CNTNAP5: variants seen among roughly 807,000 people sequenced by gnomAD.
The protein encoded by CNTNAP5 is contactin associated protein family member 5.
A neutral mutation model predicts 150.2 loss-of-function variants in CNTNAP5; 72 were observed. That is an observed-to-expected ratio of 0.48 (90% CI 0.40 to 0.58). The LOEUF (loss-of-function observed/expected upper bound fraction) is 0.58. CNTNAP5 is among the 20% of genes least tolerant of loss of function. CNTNAP5 has a pLI of 0.00. For synonymous variants in CNTNAP5, 672 were observed against 619.8 expected (o/e 1.08, Z -1.25); for missense variants, 1,636 against 1,626.2 (o/e 1.01, Z -0.10).
chr2:124,647,813 G>C lies in CNTNAP5; in HGVS notation c.1932G>C (p.Arg644=), dbSNP rs370481452. ...QHNNTELTRV[R]GANPEKPYAM... is the part of the protein sequence containing the mutation. Reference sequence around the variant, plus strand: ...ACAATACAGAGCTGACCCGAGTGCGGGGCGCTAACCCTGAGAAGCCCTATG... The same window carrying C: ...ACAATACAGAGCTGACCCGAGTGCGCGGCGCTAACCCTGAGAAGCCCTATG... The change falls in exon 13 of 24, where the codon CGG becomes CGC. Residue 644 remains arginine, a synonymous_variant. Coordinates refer to ENST00000682447, the MANE Select transcript of CNTNAP5 (RefSeq NM_001367498.1). 6.2e-7 allele frequency: 1 copy of C among 1,613,430 alleles called. No individual in the cohort carries two copies. The highest frequency in any genetic ancestry group is 2.2e-5 in the East Asian group (1 of 44,834).
Position 124,148,125 on chromosome 2 carries a change from T to C in CNTNAP5, c.83-73580T>C, listed in dbSNP as rs1684299038. On this transcript the variant is annotated intron_variant, in intron 1 of 23. Transcript: ENST00000682447. ...AAGGCTTATAAGCTACTTTATTATA[T>C]TTTTATTTAGTTTTTAACTAAATTA... 3.3e-5 allele frequency among the ~76,000 whole-genome samples: 5 copies of C among 152,178 alleles called. No individual in the cohort carries two copies. In the South Asian group the frequency reaches 1.0e-3, roughly 32 times the overall value.
At chr2:124,350,849 G>A (rs1160127566) in intron 3 of CNTNAP5, among the ~76,000 whole-genome samples, 1 of 152,076 alleles carries the variant, frequency 6.6e-6, no homozygotes, top group African/African-American at 2.4e-5. Flanking sequence ...GTTACCTTAT[G>A]GCCCTCTCTT....
intron 19 of CNTNAP5, among the ~76,000 whole-genome samples, chr2:124,822,724 A>T (rs1682516641): frequency 1.3e-5 from 2 of 152,190 alleles, no homozygotes; most frequent in African/African-American, 4.8e-5. Context: ...TGCAGATGTT[A>T]TGTTTACTCA....
At chr2:124,279,940 C>T (rs772291513) in intron 3 of CNTNAP5, among the ~76,000 whole-genome samples, 14 of 152,086 alleles carry the variant, frequency 9.2e-5, no homozygotes, top group Non-Finnish European at 1.9e-4. Flanking sequence ...CATTTAACCT[C>T]TGTTCCATGC....
chr2:124,185,909 T>A (rs760521238), intron 1 of CNTNAP5, among the ~76,000 whole-genome samples: 5 of 152,244 alleles, frequency 3.3e-5, no homozygotes, highest in Non-Finnish European at 5.9e-5. Context: ...GAGCAGTTGC[T>A]TTATGTTAAT....
intron 10 of CNTNAP5, among the ~76,000 whole-genome samples, chr2:124,553,419 G>A (rs184830107): frequency 2.5e-4 from 38 of 150,856 alleles, no homozygotes; most frequent in Admixed American, 9.2e-4. Flanking sequence ...CAGGAAAATC[G>A]CTTGAACCTA....
intron 12 of CNTNAP5, among the ~76,000 whole-genome samples, chr2:124,642,777 C>T (rs1290059580): frequency 1.4e-5 from 2 of 145,898 alleles, no homozygotes; most frequent in East Asian, 3.9e-4. Context: ...TGGTGGATAG[C>T]AGAGCACTAA....
chr2:124,691,612 C>T (rs1307773654), intron 13 of CNTNAP5, among the ~76,000 whole-genome samples: 1 of 152,174 alleles, frequency 6.6e-6, no homozygotes, highest in African/African-American at 2.4e-5. Flanking sequence ...GAAGATGCTT[C>T]TGTGTTTGTA....
intron 6 of CNTNAP5, among the ~76,000 whole-genome samples, chr2:124,468,963 T>C (rs1693443371): frequency 1.3e-5 from 2 of 152,234 alleles, no homozygotes; most frequent in Admixed American, 6.5e-5. Context: ...GAGACAGCTC[T>C]AACAGGCTTG....
chr2:124,910,745 A>G (rs1678637845), intron 22 of CNTNAP5, among the ~76,000 whole-genome samples: 1 of 152,084 alleles, frequency 6.6e-6, no homozygotes, highest in Non-Finnish European at 1.5e-5. Context: ...CAATGATCAA[A>G]TGATACAACA....
intron 19 of CNTNAP5, among the ~76,000 whole-genome samples, chr2:124,820,993 T>G (rs562409086): frequency 1.3e-5 from 2 of 152,336 alleles, no homozygotes; most frequent in African/African-American, 4.8e-5. Flanking sequence ...TCTCACAGTT[T>G]GTGCTCACAG....
At chr2:124,170,291 C>A (rs1391515675) in intron 1 of CNTNAP5, among the ~76,000 whole-genome samples, 1 of 151,434 alleles carries the variant, frequency 6.6e-6, no homozygotes, top group East Asian at 1.9e-4. Context: ...ATTGGGTTGA[C>A]TTCTGCTTCA....
At chr2:124,532,176 T>C (rs990248637) in intron 10 of CNTNAP5, among the ~76,000 whole-genome samples, 1 of 152,200 alleles carries the variant, frequency 6.6e-6, no homozygotes, top group Non-Finnish European at 1.5e-5. Flanking sequence ...GGTGTCATTT[T>C]AATGTTTTAT....
intron 3 of CNTNAP5, among the ~76,000 whole-genome samples, chr2:124,406,112 T>C (rs75730000): frequency 0.013 from 2,006 of 152,316 alleles, 35 homozygotes; most frequent in African/African-American, 0.045. Context: ...TAAAACTGTG[T>C]TGATTAACTT....
intron 3 of CNTNAP5, among the ~76,000 whole-genome samples, chr2:124,384,324 C>G (rs1198587941): frequency 6.6e-6 from 1 of 152,092 alleles, no homozygotes; most frequent in East Asian, 1.9e-4. Flanking sequence ...CTTTGCCTTT[C>G]TTCTCTTTCC....
intron 8 of CNTNAP5, among the ~76,000 whole-genome samples, chr2:124,520,107 T>C (rs1376328302): frequency 2.6e-5 from 4 of 152,206 alleles, no homozygotes; most frequent in Admixed American, 2.0e-4. Context: ...GTGGTGTTAG[T>C]TTTTAACAAG....
At chr2:124,583,886 A>T (rs1421040987) in intron 11 of CNTNAP5, among the ~76,000 whole-genome samples, 3 of 152,170 alleles carry the variant, frequency 2.0e-5, no homozygotes, top group Admixed American at 6.5e-5. Context: ...TCACATCACC[A>T]AGGTCAATGA....
At chr2:124,602,073 G>A (rs894971791) in intron 11 of CNTNAP5, among the ~76,000 whole-genome samples, 14 of 152,080 alleles carry the variant, frequency 9.2e-5, no homozygotes, top group Admixed American at 6.6e-4. Context: ...GGCCAGGCGC[G>A]GTGGCTCACA....
At chr2:124,150,109 T>A (rs1326506027) in intron 1 of CNTNAP5, among the ~76,000 whole-genome samples, 1 of 152,230 alleles carries the variant, frequency 6.6e-6, no homozygotes, top group Non-Finnish European at 1.5e-5. Context: ...GATGAAATCC[T>A]AATCAGAATT....
Sources: gnomAD v4.1 joint callset for allele counts (sites outside exome capture counted in the v4.1 genomes callset) on GRCh38, gnomAD v4.1.1 for gene constraint, MANE v1.5 for transcripts, NCBI Gene and HGNC (gene_info 2026-07-23, HGNC 2026-07-21) for gene names.